BRCA1: variants seen among roughly 807,000 people sequenced by gnomAD.
BRCA1 encodes the protein BRCA1 DNA repair associated.
Under a neutral mutation model 173.7 loss-of-function variants are expected in BRCA1, and 140 were observed. The ratio of observed to expected loss-of-function variants is 0.81; its 90% CI spans 0.70 to 0.93. The LOEUF is 0.93. Ranked by LOEUF, BRCA1 falls within the 40% of genes least tolerant of loss-of-function variation. The probability of loss-of-function intolerance (pLI) is 0.00; values close to 1 mark genes in which losing one functional copy is unlikely to be tolerated. For missense variants in BRCA1, 1,983 were observed against 2,172.5 expected, an observed-to-expected ratio of 0.91 and a Z score of 1.73; for synonymous variants, 662 against 756.0, an observed-to-expected ratio of 0.88 and a Z score of 2.04.
chr17:43,103,634 CTT>C (rs971596330), intron 6 of BRCA1, among the ~76,000 whole-genome samples: 3 of 152,062 alleles, frequency 2.0e-5, no homozygotes, highest in Non-Finnish European at 2.9e-5. Context: ...AGGTCTCTCT[CTT>C]GATTATATCA....
chr17:43,144,936 C>T (rs1448200069), intron 1 of BRCA1: 20 of 586,306 alleles, frequency 3.4e-5, no homozygotes, highest in Non-Finnish European at 3.3e-6. Context: ...CACCTGGCAC[C>T]CACCTTCCCT....
intron 3 of BRCA1, among the ~76,000 whole-genome samples, chr17:43,110,959 T>G (rs1046248709): frequency 2.0e-5 from 3 of 151,076 alleles, no homozygotes; most frequent in East Asian, 2.0e-4. Flanking sequence ...AAATTAGCCA[T>G]GCATGGTGGT....
At chr17:43,159,302 G>A (rs1174231651) in intron 1 of BRCA1, 1 of 167,736 alleles carries the variant, frequency 6.0e-6, no homozygotes, top group Non-Finnish European at 1.3e-5. Context: ...AAAACAAAAT[G>A]TGGCCGGGCA....
intron 12 of BRCA1, chr17:43,079,434 A>G (rs1282888483): frequency 6.5e-7 from 1 of 1,541,902 alleles, no homozygotes; most frequent in Admixed American, 1.7e-5. Flanking sequence ...CATCAAGGGA[A>G]CGGGTACTGT....
At chr17:43,065,784 C>T (rs1597823057) in intron 16 of BRCA1, among the ~76,000 whole-genome samples, 1 of 152,350 alleles carries the variant, frequency 6.6e-6, no homozygotes, top group African/African-American at 2.4e-5. Context: ...TCTTCTGCGT[C>T]CTCCATGCAC....
chr17:43,077,335 CT>C (rs68171917), intron 12 of BRCA1, among the ~76,000 whole-genome samples: 4,432 of 145,548 alleles, frequency 0.03, 216 homozygotes, highest in African/African-American at 0.1. Flanking sequence ...CATGTTAGTT[CT>C]TTTTTTTTTT....
intron 12 of BRCA1, among the ~76,000 whole-genome samples, chr17:43,081,883 C>T (rs1037500026): frequency 1.3e-5 from 2 of 152,182 alleles, no homozygotes; most frequent in African/African-American, 2.4e-5. Context: ...CATAATTAGG[C>T]TTTCTGTGTT....
At chr17:43,049,056 T>A (rs1325470549) in intron 21 of BRCA1, 65 bp downstream of exon 21, 1 of 1,495,454 alleles carries the variant, frequency 6.7e-7, no homozygotes, top group Non-Finnish European at 9.3e-7. Context: ...GACTGACAGG[T>A]GCCAGTCTTG....
intron 14 of BRCA1, among the ~76,000 whole-genome samples, chr17:43,073,238 G>T (rs536628022): frequency 1.3e-5 from 2 of 151,928 alleles, no homozygotes; most frequent in Admixed American, 1.3e-4. Flanking sequence ...TAGCAATTTT[G>T]TAAGAAAGGA....
chr17:43,094,808 G>A lies in BRCA1; in HGVS notation c.723C>T (p.Pro241=), dbSNP rs1379167990. The A allele has an allele frequency of 6.2e-7, 1 of 1,613,400 alleles. No homozygotes were observed. The highest frequency in any genetic ancestry group is 1.1e-5 in the South Asian group (1 of 90,980). The part of the protein sequence containing the change: ...TDVTNTEHHQ[P]SNNDLNTTEK... ...CAGTGGTGTTCAAATCATTATTACTGGGTTGATGATGTTCAGTATTTGTTA... is the reference window on the plus strand; with the variant it reads ...CAGTGGTGTTCAAATCATTATTACTAGGTTGATGATGTTCAGTATTTGTTA... Residue 241 remains proline (P), a synonymous_variant, in exon 10 of 23, where the codon CCC becomes CCT. Transcript: ENST00000357654.
intron 6 of BRCA1, 96 bp from the exon 7 acceptor site, chr17:43,099,976 A>T (rs1321135434): frequency 1.0e-6 from 1 of 962,482 alleles, no homozygotes; most frequent in Admixed American, 1.7e-5. Flanking sequence ...AAATAAATTG[A>T]CCATCATCAG....
chr17:43,150,923 C>G (rs34534709), intron 1 of BRCA1, among the ~76,000 whole-genome samples: 45,648 of 151,982 alleles, frequency 0.3, 7,406 homozygotes, highest in South Asian at 0.49. Flanking sequence ...GTGGTTTGGT[C>G]AACCTGACAG....
At position 43,076,596 on chromosome 17, in the gene BRCA1, T is replaced by C. The variant is rs1555582697; in HGVS notation, c.4376A>G (p.Lys1459Arg). 2 of 1,613,650 alleles carry C rather than the reference T, an allele frequency of 1.2e-6. No individual in the cohort carries two copies. The highest frequency in any genetic ancestry group is 2.2e-5 in the East Asian group (1 of 44,824). The change falls in exon 13 of 23, where the codon AAA becomes AGA. Residue 1459 changes from lysine (K) to arginine (R), a missense_variant. Coordinates refer to ENST00000357654, the MANE Select transcript of BRCA1 (RefSeq NM_007294.4). ...CTGGCTTATAGGGTATTCACTACTT[T>C]TCTGTGAAGTTAATACTGCTTTAAA... ...TSEKAVLTSQ[K>R]SSEYPISQNP... is the part of the protein sequence containing the mutation.
rs576828558 is a variant in BRCA1 at position 43,091,003 on chromosome 17, T to C, written c.4126A>G (p.Thr1376Ala). The C allele has an allele frequency of 1.2e-6, 2 of 1,612,916 alleles. No individual in the cohort carries two copies. Among genetic ancestry groups the C allele is most frequent in the East Asian group, 4.5e-5 (2 of 44,870 alleles). Residue 1376 changes from threonine (T) to alanine (A), a missense_variant, in exon 11 of 23, where the codon ACA becomes GCA. Thr to Ala is a moderately conservative substitution (Grantham distance 58). Transcript: ENST00000357654. ...CCTGAGCAGTCTTCAGAGACGCTTG[T>C]TTCACTCTCACACCCAGATGCTGCT... ...GEAASGCESETSVSEDCSGLS... is the reference protein window; with the variant it reads ...GEAASGCESEASVSEDCSGLS...
chr17:43,057,063 G>C lies in BRCA1; in HGVS notation c.5266C>G (p.Gln1756Glu), dbSNP rs397509247. The change falls in exon 19 of 23, where the codon CAG (glutamine) becomes GAG (glutamate). Residue 1756 changes from glutamine (Q) to glutamate (E), a missense_variant. Gln to Glu is a conservative substitution (Grantham distance 29). Coordinates refer to ENST00000357654, the MANE Select transcript of BRCA1 (RefSeq NM_007294.4). Reference sequence around the variant, plus strand: ...GGAGGGAGCTTTACCTTTCTGTCCTGGGATTCTCTTGCTCGCTTTGGACCT... The same window carrying C: ...GGAGGGAGCTTTACCTTTCTGTCCTCGGATTCTCTTGCTCGCTTTGGACCT... ...HQGPKRARESQDRKIFRGLEI... is the reference protein window; with the variant it reads ...HQGPKRARESEDRKIFRGLEI... The C allele has an allele frequency of 6.2e-7, 1 of 1,613,962 alleles. No individual in the cohort carries two copies. Among genetic ancestry groups the C allele is most frequent in the South Asian group, 1.1e-5 (1 of 91,070 alleles).
intron 1 of BRCA1, among the ~76,000 whole-genome samples, chr17:43,137,418 A>C (rs1316776418): frequency 1.3e-5 from 2 of 150,526 alleles, no homozygotes; most frequent in Admixed American, 6.6e-5. Context: ...CTAGACCTTA[A>C]AGTATAATAA....
chr17:43,080,043 T>C (rs2052933097), intron 12 of BRCA1, among the ~76,000 whole-genome samples: 1 of 152,206 alleles, frequency 6.6e-6, no homozygotes, highest in South Asian at 2.1e-4. Flanking sequence ...CATGATGATC[T>C]ACTTGCTGGC....
At chr17:43,120,455 A>G (rs558819698) in intron 2 of BRCA1, among the ~76,000 whole-genome samples, 9 of 152,346 alleles carry the variant, frequency 5.9e-5, no homozygotes, top group Admixed American at 1.3e-4. Context: ...ATACAAATGA[A>G]TGTAAAACAC....
At chr17:43,121,786 A>G (rs1312269194) in intron 2 of BRCA1, among the ~76,000 whole-genome samples, 1 of 151,896 alleles carries the variant, frequency 6.6e-6, no homozygotes, top group East Asian at 1.9e-4. Context: ...ATAACAATTT[A>G]GCATTTTCAT....
Sources: allele counts gnomAD v4.1 joint callset (sites outside exome capture counted in the v4.1 genomes callset), GRCh38; gene constraint gnomAD v4.1.1; transcripts MANE v1.5; gene names NCBI Gene and HGNC (gene_info 2026-07-23, HGNC 2026-07-21).